CCDC125: variants seen among roughly 807,000 people sequenced by gnomAD.
CCDC125 encodes coiled-coil domain containing 125.
CCDC125 carries 43 observed loss-of-function variants against 57.4 expected under a neutral mutation model. The ratio of observed to expected loss-of-function variants is 0.75; its 90% CI spans 0.59 to 0.97. The LOEUF is 0.97. CCDC125 is among the 50% of genes least tolerant of loss of function. CCDC125 has a pLI of 0.00. For synonymous variants in CCDC125, 187 were observed against 195.2 expected, an observed-to-expected ratio of 0.96 and a Z score of 0.35; for missense variants, 563 against 595.7, an observed-to-expected ratio of 0.95 and a Z score of 0.57.
At chr5:69,331,477 T>C (rs28580747) in intron 1 of CCDC125, among the ~76,000 whole-genome samples, 54,413 of 151,678 alleles carry the variant, frequency 0.36, 10,704 homozygotes, top group East Asian at 0.5. Context: ...GGAGATCTGC[T>C]CACCGGTCTC....
At chr5:69,290,950 T>C (rs980671682) in intron 10 of CCDC125, among the ~76,000 whole-genome samples, 4 of 152,240 alleles carry the variant, frequency 2.6e-5, no homozygotes, top group Admixed American at 2.6e-4. Context: ...ATTTTAAATA[T>C]TTTCTATGAT....
intron 3 of CCDC125, 150 bp from the exon 4 acceptor site, chr5:69,311,354 T>A: frequency 1.9e-6 from 1 of 533,028 alleles, no homozygotes. Context: ...CCAGACATAC[T>A]AAAATTGAAA....
chr5:69,322,575 T>C (rs1361127078), intron 1 of CCDC125, among the ~76,000 whole-genome samples: 3 of 151,622 alleles, frequency 2.0e-5, no homozygotes, highest in Admixed American at 2.0e-4. Flanking sequence ...AAAAAATTTT[T>C]TTTTTTTGAG....
At chr5:69,327,239 T>C (rs1310988226) in intron 1 of CCDC125, among the ~76,000 whole-genome samples, 5 of 151,570 alleles carry the variant, frequency 3.3e-5, no homozygotes, top group Admixed American at 2.0e-4. Context: ...GGACTACAGG[T>C]GCCCGCCACC....
chr5:69,304,603 T>G (rs1452250981), intron 6 of CCDC125, among the ~76,000 whole-genome samples: 1 of 151,588 alleles, frequency 6.6e-6, no homozygotes, highest in East Asian at 1.9e-4. Flanking sequence ...TTTTTGTGTT[T>G]TAGTAGAGAA....
chr5:69,293,849 T>TA (rs1299522707), intron 9 of CCDC125, among the ~76,000 whole-genome samples: 1 of 152,222 alleles, frequency 6.6e-6, no homozygotes, highest in Non-Finnish European at 1.5e-5. Flanking sequence ...ATGGTCCATG[T>TA]ACTACTGTAT....
chr5:69,290,629 C>CT (rs373663120), intron 10 of CCDC125, among the ~76,000 whole-genome samples: 2,586 of 117,738 alleles, frequency 0.022, 85 homozygotes, highest in East Asian at 0.064. Flanking sequence ...TCTTTTTTTT[C>CT]TTTTTTTTTT....
intron 4 of CCDC125, chr5:69,308,697 T>C (rs190115773): frequency 7.1e-4 from 120 of 169,416 alleles, no homozygotes; most frequent in Middle Eastern, 2.6e-3. Flanking sequence ...GCTGAAAAGA[T>C]ACCCAAAAAT....
chr5:69,285,693 G>T (rs1753227602), intron 10 of CCDC125, among the ~76,000 whole-genome samples: 1 of 152,164 alleles, frequency 6.6e-6, no homozygotes, highest in African/African-American at 2.4e-5. Flanking sequence ...CTGACACACA[G>T]GCCACACAAG....
In CCDC125 at chr5:69,295,349, T is replaced by C. The variant is rs139909466; in HGVS notation, c.817-449A>G. On this transcript the variant is annotated intron_variant, in intron 8 of 11. Transcript: ENST00000396496. The stretch of plus-strand genomic sequence containing the variant: ...ATCTACTCAGAAATGACGAGGGAAT[T>C]GTAATATATAATGAGAAAAACAGTC... Among the ~76,000 whole-genome samples the C allele has an allele frequency of 5.5e-3, 836 of 152,120 alleles. 8 individuals carry two copies. The highest frequency in any genetic ancestry group is 0.019 in the African/African-American group (804 of 41,498).
At chr5:69,289,655 A>G (rs1237826183) in intron 10 of CCDC125, among the ~76,000 whole-genome samples, 1 of 152,134 alleles carries the variant, frequency 6.6e-6, no homozygotes, top group Non-Finnish European at 1.5e-5. Context: ...TGAGCCCAGG[A>G]GTTTGAGACC....
intron 1 of CCDC125, 41 bp from the exon 2 acceptor site, chr5:69,320,621 A>G: frequency 1.2e-6 from 1 of 864,532 alleles, no homozygotes; most frequent in Non-Finnish European, 1.8e-6. Flanking sequence ...ACATCAGTAG[A>G]TCCAGCAACC....
intron 11 of CCDC125, 89 bp downstream of exon 11, chr5:69,285,248 A>C: frequency 7.6e-7 from 1 of 1,314,752 alleles, no homozygotes; most frequent in Non-Finnish European, 1.1e-6. Context: ...CCACATTCAA[A>C]GCTGTTCTGG....
At chr5:69,301,260 G>C (rs1756395399) in intron 7 of CCDC125, among the ~76,000 whole-genome samples, 1 of 152,056 alleles carries the variant, frequency 6.6e-6, no homozygotes, top group Non-Finnish European at 1.5e-5. Flanking sequence ...ACGGGCATGA[G>C]CAACAGCGCC....
intron 1 of CCDC125, among the ~76,000 whole-genome samples, chr5:69,331,350 A>G (rs1420257290): frequency 3.3e-5 from 5 of 151,730 alleles, no homozygotes; most frequent in Non-Finnish European, 5.9e-5. Context: ...CTCCTGCCTC[A>G]GCCTCCCCAG....
chr5:69,319,596 C>T (rs1168088937), intron 2 of CCDC125, among the ~76,000 whole-genome samples: 1 of 151,532 alleles, frequency 6.6e-6, no homozygotes, highest in African/African-American at 2.4e-5. Flanking sequence ...ATTCTCCTGC[C>T]TCAGCCTCCC....
downstream of CCDC125, among the ~76,000 whole-genome samples, chr5:69,275,712 G>A (rs925007717): frequency 2.0e-5 from 3 of 152,146 alleles, no homozygotes; most frequent in Non-Finnish European, 2.9e-5. Flanking sequence ...GGTGGCTCAC[G>A]CCTGTAATCC....
chr5:69,316,399 G>A (rs1211528793), intron 2 of CCDC125, among the ~76,000 whole-genome samples: 5 of 152,160 alleles, frequency 3.3e-5, no homozygotes, highest in African/African-American at 1.2e-4. Flanking sequence ...TATGATGTGA[G>A]AAAGACTCAG....
intron 2 of CCDC125, among the ~76,000 whole-genome samples, chr5:69,319,713 C>G (rs1312141175): frequency 1.3e-5 from 2 of 151,228 alleles, no homozygotes. Flanking sequence ...GATCTCTTGA[C>G]CTTGTGATCC....
Sources: allele counts gnomAD v4.1 joint callset (sites outside exome capture counted in the v4.1 genomes callset), GRCh38; gene constraint gnomAD v4.1.1; transcripts MANE v1.5; gene names NCBI Gene and HGNC (gene_info 2026-07-23, HGNC 2026-07-21).